Variants in FGD4 observed in about 807,000 individuals in gnomAD.
The protein encoded by FGD4 is FYVE, RhoGEF and PH domain containing 4, also known as FYVE, RhoGEF and PH domain-containing protein 4.
Under a neutral mutation model 102.0 loss-of-function variants are expected in FGD4, and 42 were observed. The ratio of observed to expected loss-of-function variants is 0.41; its 90% CI spans 0.32 to 0.53. The LOEUF (loss-of-function observed/expected upper bound fraction) is 0.53, where lower values mean the gene tolerates loss of function less well. FGD4 is among the 20% of genes least tolerant of loss of function. FGD4 has a pLI of 0.21. For synonymous variants in FGD4, 380 were observed against 375.7 expected, an observed-to-expected ratio of 1.01 and a Z score of -0.13; for missense variants, 902 against 1,078.2, an observed-to-expected ratio of 0.84 and a Z score of 2.29.
chr12:32,476,935 G>A (rs909298449), intron 1 of FGD4, among the ~76,000 whole-genome samples: 5 of 152,146 alleles, frequency 3.3e-5, no homozygotes, highest in Non-Finnish European at 7.3e-5. Context: ...TAACAGTACT[G>A]AAAAGACACT....
chr12:32,548,962 C>A (rs1220950282), intron 1 of FGD4, among the ~76,000 whole-genome samples: 3 of 152,166 alleles, frequency 2.0e-5, no homozygotes, highest in Non-Finnish European at 4.4e-5. Context: ...GTCTGGGAAA[C>A]AGCCAAAACG....
intron 1 of FGD4, among the ~76,000 whole-genome samples, chr12:32,474,747 A>T (rs1943543023): frequency 6.6e-6 from 1 of 152,104 alleles, no homozygotes; most frequent in Non-Finnish European, 1.5e-5. Flanking sequence ...TCTACAAAAA[A>T]TACAAAAATT....
intron 2 of FGD4, among the ~76,000 whole-genome samples, chr12:32,569,397 C>T (rs906803250): frequency 2.6e-5 from 4 of 152,120 alleles, no homozygotes; most frequent in Non-Finnish European, 4.4e-5. Flanking sequence ...CTCAGGCCTC[C>T]CTATGCACTA....
chr12:32,404,258 GT>G (rs918215936), intron 1 of FGD4, among the ~76,000 whole-genome samples: 11 of 143,732 alleles, frequency 7.7e-5, no homozygotes, highest in South Asian at 4.4e-4. Flanking sequence ...TGTAAGTACA[GT>G]TTTTTTTTTT....
At chr12:32,560,387 G>C (rs1168958705) in intron 1 of FGD4, among the ~76,000 whole-genome samples, 2 of 152,054 alleles carry the variant, frequency 1.3e-5, no homozygotes, top group African/African-American at 4.8e-5. Context: ...AAGTAGCTGG[G>C]ACTACAGATG....
At chr12:32,430,591 A>T (rs1390441885) in intron 1 of FGD4, among the ~76,000 whole-genome samples, 1 of 151,634 alleles carries the variant, frequency 6.6e-6, no homozygotes, top group African/African-American at 2.4e-5. Flanking sequence ...TACTCTATTT[A>T]AAAAAACTGT....
intron 1 of FGD4, among the ~76,000 whole-genome samples, chr12:32,542,034 G>C (rs1942880423): frequency 6.6e-6 from 1 of 152,098 alleles, no homozygotes; most frequent in Non-Finnish European, 1.5e-5. Context: ...TCCTTACCTT[G>C]GAACAAATGA....
chr12:32,552,433 C>CCTT (rs1943744702), intron 1 of FGD4, among the ~76,000 whole-genome samples: 1 of 84,874 alleles, frequency 1.2e-5, no homozygotes, highest in Non-Finnish European at 2.3e-5. Context: ...CTAATTTTTG[C>CCTT]ATTTTTTTTT....
chr12:32,565,155 C>T (rs1449450067), intron 2 of FGD4, among the ~76,000 whole-genome samples: 1 of 152,122 alleles, frequency 6.6e-6, no homozygotes, highest in Non-Finnish European at 1.5e-5. Flanking sequence ...AAAATGTATT[C>T]TAGAGCATGC....
chr12:32,625,970 A>AGG (rs1565923149), intron 14 of FGD4, among the ~76,000 whole-genome samples, 191 bp downstream of exon 14: 1 of 152,262 alleles, frequency 6.6e-6, no homozygotes, highest in African/African-American at 2.4e-5. Flanking sequence ...CTGGCTTTAC[A>AGG]GAGCTTACGT....
In FGD4 at chr12:32,494,336, T is replaced by C. The variant is rs557670024; in HGVS notation, c.167-69801T>C. Among the ~76,000 whole-genome samples, 21 of 152,262 alleles carry C rather than the reference T, an allele frequency of 1.4e-4. No individual in the cohort carries two copies. The East Asian group carries it at 4.1e-3, about 29-fold the overall frequency. On this transcript the variant is annotated intron_variant, in intron 1 of 16. Coordinates refer to ENST00000534526, the MANE Select transcript of FGD4 (RefSeq NM_001370298.3). ...GAGGTGCTGGGATTTCGCAAAGAAC[T>C]GTTAAAATACCTACACAGCTGTTCA...
intron 4 of FGD4, among the ~76,000 whole-genome samples, chr12:32,597,274 GAA>G (rs1285427381): frequency 1.3e-5 from 2 of 152,178 alleles, no homozygotes; most frequent in Non-Finnish European, 2.9e-5. Flanking sequence ...CTGGGCTTGA[GAA>G]GAGATGAGCG....
intron 1 of FGD4, among the ~76,000 whole-genome samples, chr12:32,468,010 C>T (rs1943311958): frequency 6.6e-6 from 1 of 151,838 alleles, no homozygotes; most frequent in South Asian, 2.1e-4. Flanking sequence ...AGCGAGACTC[C>T]ATCTCAAAAA....
chr12:32,422,931 G>A (rs1369272129), intron 1 of FGD4, among the ~76,000 whole-genome samples: 1 of 152,108 alleles, frequency 6.6e-6, no homozygotes, highest in Non-Finnish European at 1.5e-5. Flanking sequence ...TACAGAAGAG[G>A]AAGCAGAAGC....
intron 1 of FGD4, among the ~76,000 whole-genome samples, chr12:32,462,847 C>T (rs747717840): frequency 1.4e-4 from 22 of 152,074 alleles, no homozygotes; most frequent in Non-Finnish European, 3.1e-4. Context: ...GTGCCATTGC[C>T]GTAATATAAA....
rs555864458 is a variant in FGD4, at chr12:32,507,921, T to G, written c.167-56216T>G. On this transcript the variant is annotated intron_variant, in intron 1 of 16. Coordinates refer to ENST00000534526, the MANE Select transcript of FGD4 (RefSeq NM_001370298.3). The stretch of plus-strand genomic sequence containing the variant: ...TTGAAATATTTGCTACTCTTAGTAG[T>G]GAAAGCTTGGTAGGACTATTAGCCC... Among the ~76,000 whole-genome samples, 3 of 152,308 alleles carry G rather than the reference T, an allele frequency of 2.0e-5. No homozygotes were observed. The East Asian group carries it at 5.8e-4, about 29-fold the overall frequency.
At chr12:32,614,190 G>T (rs1303967317) in intron 10 of FGD4, among the ~76,000 whole-genome samples, 1 of 152,100 alleles carries the variant, frequency 6.6e-6, no homozygotes, top group Non-Finnish European at 1.5e-5. Context: ...CCACTCAATG[G>T]GTACCAAAAA....
At chr12:32,494,304 C>T (rs953298966) in intron 1 of FGD4, among the ~76,000 whole-genome samples, 2 of 152,178 alleles carry the variant, frequency 1.3e-5, no homozygotes, top group Non-Finnish European at 2.9e-5. Context: ...CCCTCCTTGG[C>T]CTCCCAGAGG....
intron 13 of FGD4, 21 bp from the exon 14 acceptor site, chr12:32,625,633 G>A: frequency 1.2e-6 from 2 of 1,612,458 alleles, no homozygotes; most frequent in South Asian, 1.1e-5. Context: ...TATTAAAATT[G>A]AATCTTTCTT....
Sources: gnomAD v4.1 joint callset for allele counts (sites outside exome capture counted in the v4.1 genomes callset) on GRCh38, gnomAD v4.1.1 for gene constraint, MANE v1.5 for transcripts, NCBI Gene and HGNC (gene_info 2026-07-23, HGNC 2026-07-21) for gene names.